Variants in ADGRL2 observed in about 807,000 individuals in gnomAD.
The protein encoded by ADGRL2 is calcium-independent alpha-latrotoxin receptor 2.
ADGRL2 carries 44 observed loss-of-function variants against 157.4 expected under a neutral mutation model. That is an observed-to-expected ratio of 0.28 (90% CI 0.22 to 0.36). ADGRL2 has a LOEUF of 0.36. ADGRL2 is among the 10% of genes least tolerant of loss of function. The pLI is 1.00. For synonymous variants in ADGRL2, 585 were observed against 624.7 expected, an observed-to-expected ratio of 0.94 and a Z score of 0.95; for missense variants, 1,510 against 1,768.9, an observed-to-expected ratio of 0.85 and a Z score of 2.63.
At chr1:81,414,176 G>A (rs2076996141) in intron 1 of ADGRL2, 1 of 152,118 alleles carries the variant, frequency 6.6e-6, no homozygotes, top group African/African-American at 2.4e-5. Context: ...TTCAGTTTCA[G>A]GGTAGAAAGG....
At chr1:81,468,378 C>T (rs1382118479) in intron 2 of ADGRL2, among the ~76,000 whole-genome samples, 1 of 152,088 alleles carries the variant, frequency 6.6e-6, no homozygotes, top group Admixed American at 6.6e-5. Flanking sequence ...AACTTTAATC[C>T]TGTTTGGCCT....
At chr1:81,447,366 A>G (rs1395227192) in intron 2 of ADGRL2, among the ~76,000 whole-genome samples, 1 of 152,208 alleles carries the variant, frequency 6.6e-6, no homozygotes. Flanking sequence ...AATACTTCAG[A>G]AATTCAGGAT....
intron 3 of ADGRL2, chr1:81,586,347 G>A (rs2081025592): frequency 6.6e-6 from 1 of 151,906 alleles, no homozygotes; most frequent in Admixed American, 6.6e-5. Flanking sequence ...GAAGTCAGAG[G>A]GAGATGAAGG....
At chr1:81,855,816 T>G (rs771224484) in intron 2 of ADGRL2, among the ~76,000 whole-genome samples, 24 of 151,980 alleles carry the variant, frequency 1.6e-4, no homozygotes, top group Non-Finnish European at 3.5e-4. Flanking sequence ...ATTGTTGGAG[T>G]AATCCAAGCA....
At chr1:81,394,550 T>C (rs1557655870) in intron 1 of ADGRL2, among the ~76,000 whole-genome samples, 1 of 152,202 alleles carries the variant, frequency 6.6e-6, no homozygotes, top group East Asian at 1.9e-4. Context: ...TTTTATTCTG[T>C]TGTATGGTTG....
chr1:81,813,017 G>A (rs1191687805), intron 1 of ADGRL2, among the ~76,000 whole-genome samples: 1 of 151,622 alleles, frequency 6.6e-6, no homozygotes, highest in African/African-American at 2.4e-5. Context: ...TTTTCATTCG[G>A]GTGTTTAGGT....
chr1:81,316,335 T>C (rs1203093006), intron 1 of ADGRL2, among the ~76,000 whole-genome samples: 1 of 152,184 alleles, frequency 6.6e-6, no homozygotes, highest in African/African-American at 2.4e-5. Context: ...ATAAATGGTT[T>C]GGTGAACAAA....
chr1:81,426,307 G>A (rs1403643313), intron 1 of ADGRL2: 2 of 236,990 alleles, frequency 8.4e-6, no homozygotes, highest in African/African-American at 4.7e-5. Flanking sequence ...AGGTGGGTCA[G>A]ACAACTTCCC....
rs536648602 is a variant in ADGRL2, at chr1:81,604,827, A to C, written c.-143+23847A>C. Among the ~76,000 whole-genome samples the C allele has an allele frequency of 2.0e-5, 3 of 152,104 alleles. No homozygotes were observed. The East Asian group carries it at 5.8e-4, about 29-fold the overall frequency. On this transcript the variant is annotated intron_variant, in intron 3 of 24. Transcript: ENST00000370721. Reference sequence around the variant, plus strand: ...AGAGCTCTAGGTTCTCAGAGAGGGGAAAGAGAGGATAGATAATGAAAAAGT... The same window carrying C: ...AGAGCTCTAGGTTCTCAGAGAGGGGCAAGAGAGGATAGATAATGAAAAAGT...
intron 3 of ADGRL2, among the ~76,000 whole-genome samples, chr1:81,925,951 G>A (rs1449842001): frequency 6.6e-6 from 1 of 152,040 alleles, no homozygotes; most frequent in South Asian, 2.1e-4. Context: ...TAATCTTTAA[G>A]GTGAATTTAA....
At chr1:81,698,678 T>A (rs2083495229), upstream of ADGRL2, among the ~76,000 whole-genome samples, 1 of 152,192 alleles carries the variant, frequency 6.6e-6, no homozygotes, top group Admixed American at 6.5e-5. Flanking sequence ...TAGAGTACAG[T>A]ACATTGACAA....
At chr1:81,832,522 A>C (rs2092017034) in intron 1 of ADGRL2, among the ~76,000 whole-genome samples, 1 of 152,208 alleles carries the variant, frequency 6.6e-6, no homozygotes, top group African/African-American at 2.4e-5. Context: ...ATATTTCCTG[A>C]GTGTCTACTA....
intron 1 of ADGRL2, among the ~76,000 whole-genome samples, chr1:81,702,706 G>A (rs1322681806): frequency 6.6e-6 from 1 of 152,072 alleles, no homozygotes; most frequent in Non-Finnish European, 1.5e-5. Context: ...ATCTTGCTGG[G>A]ACCAAAATAT....
chr1:81,459,216 C>G (rs1442668878), intron 2 of ADGRL2, among the ~76,000 whole-genome samples: 1 of 152,196 alleles, frequency 6.6e-6, no homozygotes, highest in African/African-American at 2.4e-5. Flanking sequence ...GAACTGGCAG[C>G]TCAGTCTTCA....
chr1:81,327,055 G>A (rs1411486941), intron 1 of ADGRL2, among the ~76,000 whole-genome samples: 2 of 152,168 alleles, frequency 1.3e-5, no homozygotes, highest in Admixed American at 6.5e-5. Context: ...GAAATGAAAT[G>A]AGTTGTTTTT....
chr1:81,509,211 G>A (rs2079032536), intron 2 of ADGRL2, among the ~76,000 whole-genome samples: 1 of 152,076 alleles, frequency 6.6e-6, no homozygotes, highest in African/African-American at 2.4e-5. Context: ...AAGCCAACAA[G>A]CCTGCTAGTA....
chr1:81,343,514 G>A (rs1662242540), intron 1 of ADGRL2, among the ~76,000 whole-genome samples: 1 of 152,298 alleles, frequency 6.6e-6, no homozygotes, highest in African/African-American at 2.4e-5. Flanking sequence ...TCTGAGCTTA[G>A]GCTGCTATAA....
intron 2 of ADGRL2, among the ~76,000 whole-genome samples, chr1:81,840,223 TCTGA>T (rs2092512203): frequency 6.6e-6 from 1 of 152,110 alleles, no homozygotes; most frequent in Non-Finnish European, 1.5e-5. Context: ...TTTCCAGTCT[TCTGA>T]CTTTCAGTAG....
At chr1:81,439,750 T>C (rs1422012579) in intron 1 of ADGRL2, among the ~76,000 whole-genome samples, 1 of 152,222 alleles carries the variant, frequency 6.6e-6, no homozygotes, top group Non-Finnish European at 1.5e-5. Flanking sequence ...GCAGCTCAGT[T>C]GGTCCCTTGC....
Sources: gnomAD v4.1 joint callset for allele counts (sites outside exome capture counted in the v4.1 genomes callset) on GRCh38, gnomAD v4.1.1 for gene constraint, MANE v1.5 for transcripts, NCBI Gene and HGNC (gene_info 2026-07-23, HGNC 2026-07-21) for gene names.